The following CGB7 variants were observed in gnomAD, a reference collection of about 807,000 sequenced individuals.
CGB7 encodes choriogonadotropin subunit beta 7.
Under a neutral mutation model 7.3 loss-of-function variants are expected in CGB7, and 6 were observed. The observed-to-expected ratio is 0.82, with a 90% confidence interval of 0.45 to 1.62. The LOEUF (loss-of-function observed/expected upper bound fraction) is 1.62, where lower values mean the gene tolerates loss of function less well. Ranked by LOEUF, CGB7 falls within the 40% of genes most tolerant of loss-of-function variation. The pLI, the probability that CGB7 is intolerant of heterozygous loss-of-function variation, is 0.01. For missense variants in CGB7, 114 were observed against 236.2 expected (o/e 0.48, Z 3.39); for synonymous variants, 47 against 100.8 (o/e 0.47, Z 3.20).
At position 49,055,421 on chromosome 19, in the gene CGB7, T is replaced by G. The variant is rs35000456; in HGVS notation, c.-46A>C. On this transcript the variant is annotated 5_prime_UTR_variant, in exon 3 of 5. Coordinates refer to ENST00000684222, the MANE Select transcript of CGB7 (RefSeq NM_001385261.1). ...GGTGTACCTGGCTTTATACCTCGGGTTTGTGGGGGCGTCAAGGCCACCAGG... is the reference window on the plus strand; with the variant it reads ...GGTGTACCTGGCTTTATACCTCGGGGTTGTGGGGGCGTCAAGGCCACCAGG... The G allele has an allele frequency of 0.29, 417,033 of 1,458,018 alleles. 77,742 individuals carry two copies. The highest frequency in any genetic ancestry group is 0.38 in the South Asian group (30,767 of 81,060). The allele number at this position is 1,458,018 out of a possible 1,614,324, so 90.3% of individuals were successfully genotyped here.
rs1288190058 is a variant in CGB7, at chr19:49,056,297, G to A, written c.-922C>T. ...CACTAGCCCCGGCTTACAGCGGCCT[G>A]AGCGGGAGTTCTCGGTGCTGTAGGC... On this transcript the variant is annotated 5_prime_UTR_variant, in exon 3 of 5. Transcript: ENST00000684222. The A allele has an allele frequency of 1.5e-6, 2 of 1,292,452 alleles. No homozygotes were observed. Among genetic ancestry groups the A allele is most frequent in the Non-Finnish European group, 2.0e-6 (2 of 990,518 alleles). The allele number at this position is 1,292,452 out of a possible 1,614,324, so 80.1% of individuals were successfully genotyped here. A position where few individuals can be genotyped will look rare whatever the true frequency, so the allele number is the denominator to read the frequency against.
In CGB7 at chr19:49,057,726, T is replaced by C. The variant is rs933443586; in HGVS notation, c.-1613A>G. The C allele has an allele frequency of 7.6e-7, 1 of 1,312,760 alleles. No individual in the cohort carries two copies. The highest frequency in any genetic ancestry group is 9.7e-7 in the Non-Finnish European group (1 of 1,031,910). The allele number at this position is 1,312,760 out of a possible 1,614,324, so 81.3% of individuals were successfully genotyped here. A position where few individuals can be genotyped will look rare whatever the true frequency, so the allele number is the denominator to read the frequency against. ...GCCCTGAAGGCGAGTTTCCAGCCCC[T>C]GGTCCTTCTGGCCTGGCGTGGATGC... On this transcript the variant is annotated 5_prime_UTR_variant, in exon 1 of 5. Coordinates refer to ENST00000684222, the MANE Select transcript of CGB7 (RefSeq NM_001385261.1).
intron 3 of CGB7, 124 bp from the exon 4 acceptor site, chr19:49,055,132 C>T (rs2040040464): frequency 1.4e-5 from 22 of 1,563,500 alleles, no homozygotes; most frequent in Non-Finnish European, 1.9e-5. Flanking sequence ...CTATTCAGGA[C>T]CCACCACCCG....
chr19:49,055,188 A>T (rs2040041401), intron 3 of CGB7, 173 bp downstream of exon 3: 1 of 984,950 alleles, frequency 1.0e-6, no homozygotes, highest in Non-Finnish European at 1.2e-6. Context: ...GGGACCTGAG[A>T]TGCCCCAACA....
Position 49,055,913 on chromosome 19 carries a change from C to T in CGB7, c.-538G>A. 9.2e-7 allele frequency: 1 copy of T among 1,087,810 alleles called. No homozygotes were observed. The highest frequency in any genetic ancestry group is 2.5e-5 in the South Asian group (1 of 40,158). The allele number at this position is 1,087,810 out of a possible 1,614,324, so 67.4% of individuals were successfully genotyped here. A position where few individuals can be genotyped will look rare whatever the true frequency, so the allele number is the denominator to read the frequency against. ...CCCCCAACGAGGGATTCAGCCCGAG[C>T]CCCACCTCTCCCTTAGGAACCTCCG... On this transcript the variant is annotated 5_prime_UTR_variant, in exon 3 of 5. Coordinates refer to ENST00000684222, the MANE Select transcript of CGB7 (RefSeq NM_001385261.1).
chr19:49,057,552 A>C lies in CGB7; in HGVS notation c.-1439T>G. 9 of 1,165,516 alleles carry C rather than the reference A, an allele frequency of 7.7e-6. No individual in the cohort carries two copies. Among genetic ancestry groups the C allele is most frequent in the Admixed American group, 4.5e-5 (1 of 22,414 alleles). The allele number at this position is 1,165,516 out of a possible 1,614,324, so 72.2% of individuals were successfully genotyped here. On this transcript the variant is annotated 5_prime_UTR_variant, in exon 1 of 5. The change abolishes the stop of an existing upstream ORF in the 5' untranslated region. Coordinates refer to ENST00000684222, the MANE Select transcript of CGB7 (RefSeq NM_001385261.1). ...TCCCCCTGGTTCTGCCCCCGGTCTC[A>C]AGCCTTCTTGGTGTGGCCACTGGAG...
In CGB7 at chr19:49,056,189, C is replaced by T. The variant is rs993962182; in HGVS notation, c.-814G>A. On this transcript the variant is annotated 5_prime_UTR_variant, in exon 3 of 5. Transcript: ENST00000684222. ...GTGCGAGCCCACCTAGGTCCGACAC[C>T]GCGTAGTGAGCGGCTGCCCAGAGCT... The T allele has an allele frequency of 1.6e-6, 2 of 1,270,266 alleles. No individual in the cohort carries two copies. The highest frequency in any genetic ancestry group is 1.5e-5 in the African/African-American group (1 of 65,028). The allele number at this position is 1,270,266 out of a possible 1,614,324, so 78.7% of individuals were successfully genotyped here. A position where few individuals can be genotyped will look rare whatever the true frequency, so the allele number is the denominator to read the frequency against.
rs141607533 is a variant in CGB7 at position 49,054,999 on chromosome 19, G to T, written c.25C>A (p.Leu9Met). 11 of 1,602,142 alleles carry T rather than the reference G, an allele frequency of 6.9e-6. No individual in the cohort carries two copies. The highest frequency in any genetic ancestry group is 4.0e-5 in the African/African-American group (3 of 74,236). MEMFQGLLLLLLLSMGGTW... is the reference protein window; with the variant it reads MEMFQGLLMLLLLSMGGTW... ...CCGCCCATGCTCAGCAGCAGCAACAGCAGCAGCCCCTGGGACAAGGACACT... is the reference window on the plus strand; with the variant it reads ...CCGCCCATGCTCAGCAGCAGCAACATCAGCAGCCCCTGGGACAAGGACACT... The change falls in exon 4 of 5, where the codon CTG becomes ATG. Residue 9 changes from leucine to methionine, a missense_variant. Physicochemically the swap from Leu to Met is conservative, Grantham distance 15 (BLOSUM62 2). This residue lies in a region of CGB7 where 58 missense variants were observed against 91.7 expected (regional missense o/e 0.63). Transcript: ENST00000684222.
intron 4 of CGB7, 60 bp downstream of exon 4, chr19:49,054,781 G>T: frequency 1.4e-6 from 2 of 1,474,812 alleles, no homozygotes; most frequent in African/African-American, 1.4e-5. Flanking sequence ...TTCCTCCCCC[G>T]CTGCCTCTGT....
intron 1 of CGB7, 35 bp from the exon 2 acceptor site, chr19:49,057,283 CAT>C (rs1407059821): frequency 6.6e-6 from 10 of 1,517,446 alleles, no homozygotes; most frequent in East Asian, 2.5e-5. Flanking sequence ...ATACCCAAGA[CAT>C]AGATTTCATA....
At chr19:49,056,728 C>G (rs1724384165) in intron 2 of CGB7, 133 bp from the exon 3 acceptor site, 1 of 829,462 alleles carries the variant, frequency 1.2e-6, no homozygotes, top group Middle Eastern at 5.0e-4. Context: ...AGGACGCGAC[C>G]GGGCACGCGT....
At position 49,057,142 on chromosome 19, in the gene CGB7, C is replaced by T; in HGVS notation, c.-1242G>A. The T allele has an allele frequency of 3.3e-6, 5 of 1,534,152 alleles. No homozygotes were observed. The highest frequency in any genetic ancestry group is 2.0e-4 in the Middle Eastern group (1 of 5,012). Reference sequence around the variant, plus strand: ...TTACTTGGGATAGAACCGAAAGTCCCGCGCCGAGGTGGTCAGATAGAGCTG... The same window carrying T: ...TTACTTGGGATAGAACCGAAAGTCCTGCGCCGAGGTGGTCAGATAGAGCTG... On this transcript the variant is annotated 5_prime_UTR_variant, in exon 2 of 5. Transcript: ENST00000684222.
At chr19:49,057,375 C>T (rs2040079167) in intron 1 of CGB7, 87 bp downstream of exon 1, 4 of 1,424,626 alleles carry the variant, frequency 2.8e-6, no homozygotes, top group Non-Finnish European at 2.8e-6. Flanking sequence ...GGCCCTCACA[C>T]CCCGCCCCAG....
intron 2 of CGB7, 100 bp downstream of exon 2, chr19:49,057,021 G>A (rs1243400965): frequency 7.7e-7 from 1 of 1,293,078 alleles, no homozygotes; most frequent in African/African-American, 1.5e-5. Flanking sequence ...TCGAGACTGA[G>A]ACCACCGGTC....
Position 49,055,576 on chromosome 19 carries a change from G to T in CGB7, c.-201C>A, listed in dbSNP as rs12461505. Reference sequence around the variant, plus strand: ...CTCCCCTCAGTGGTCTAGCGCCAAGGATGAGGCGGAGACCACGGTGAAGTG... The same window carrying T: ...CTCCCCTCAGTGGTCTAGCGCCAAGTATGAGGCGGAGACCACGGTGAAGTG... On this transcript the variant is annotated 5_prime_UTR_variant, in exon 3 of 5. Transcript: ENST00000684222. 303,549 of 1,500,086 alleles carry T rather than the reference G, an allele frequency of 0.2. 32,629 individuals are homozygous for T. The highest frequency in any genetic ancestry group is 0.3 in the African/African-American group (21,735 of 71,654). The allele number at this position is 1,500,086 out of a possible 1,614,324, so 92.9% of individuals were successfully genotyped here.
rs775734003 is a variant in CGB7, at chr19:49,056,574, G to A, written c.-1199C>T. On this transcript the variant is annotated 5_prime_UTR_variant, in exon 3 of 5. Coordinates refer to ENST00000684222, the MANE Select transcript of CGB7 (RefSeq NM_001385261.1). ...TCCAGTAGGTCAGGTAGTCCTTGCG[G>A]GGGTATCCGGACGGCTCCGTCCTGT... 2 of 1,295,444 alleles carry A rather than the reference G, an allele frequency of 1.5e-6. No individual in the cohort carries two copies. Among genetic ancestry groups the A allele is most frequent in the South Asian group, 2.4e-5 (2 of 81,702 alleles). The allele number at this position is 1,295,444 out of a possible 1,614,324, so 80.2% of individuals were successfully genotyped here.
In CGB7 at chr19:49,057,746, G is replaced by A. The variant is rs1043034257; in HGVS notation, c.-1633C>T. 1 of 1,338,850 alleles carries A rather than the reference G, an allele frequency of 7.5e-7. No homozygotes were observed. The highest frequency in any genetic ancestry group is 1.8e-5 in the South Asian group (1 of 56,088). The allele number at this position is 1,338,850 out of a possible 1,614,324, so 82.9% of individuals were successfully genotyped here. The stretch of plus-strand genomic sequence containing the variant: ...GCCCCTGGTCCTTCTGGCCTGGCGT[G>A]GATGCCCAGCCCTTCCTCCCGCTCC... On this transcript the variant is annotated 5_prime_UTR_variant, in exon 1 of 5. Transcript: ENST00000684222.
At position 49,056,137 on chromosome 19, in the gene CGB7, T is replaced by C; in HGVS notation, c.-762A>G. ...AGTGGGCGTGTCTGGGCTAGTCCTG[T>C]CCCCACACTGCGGATAGACTTAATG... On this transcript the variant is annotated 5_prime_UTR_variant, in exon 3 of 5. Coordinates refer to ENST00000684222, the MANE Select transcript of CGB7 (RefSeq NM_001385261.1). 1 of 1,211,072 alleles carries C rather than the reference T, an allele frequency of 8.3e-7. No individual in the cohort carries two copies. Among genetic ancestry groups the C allele is most frequent in the Non-Finnish European group, 1.1e-6 (1 of 947,842 alleles). 75.0% of individuals were successfully genotyped at this position (1,211,072 alleles called of 1,614,324 possible). A position where few individuals can be genotyped will look rare whatever the true frequency, so the allele number is the denominator to read the frequency against.
Position 49,056,196 on chromosome 19 carries a change from T to C in CGB7, c.-821A>G, listed in dbSNP as rs985541473. ...CCCACCTAGGTCCGACACCGCGTAG[T>C]GAGCGGCTGCCCAGAGCTCTGCTCC... On this transcript the variant is annotated 5_prime_UTR_variant, in exon 3 of 5. Coordinates refer to ENST00000684222, the MANE Select transcript of CGB7 (RefSeq NM_001385261.1). 1.5e-4 allele frequency: 194 copies of C among 1,271,596 alleles called. No homozygotes were observed. The highest frequency in any genetic ancestry group is 1.9e-4 in the Non-Finnish European group (186 of 978,382). The allele number at this position is 1,271,596 out of a possible 1,614,324, so 78.8% of individuals were successfully genotyped here.
Sources: allele counts gnomAD v4.1 joint callset, GRCh38; gene constraint gnomAD v4.1.1; regional missense constraint gnomAD v4.1.1; transcripts MANE v1.5; gene names NCBI Gene and HGNC (gene_info 2026-07-23, HGNC 2026-07-21).